VGLL4: variants seen among roughly 807,000 people sequenced by gnomAD.
VGLL4 encodes the protein transcription cofactor vestigial-like protein 4.
In VGLL4, 7 loss-of-function variants were observed where a neutral mutation model predicts 21.0. That is an observed-to-expected ratio of 0.33 (90% CI 0.19 to 0.63). The LOEUF is 0.63. Ranked by LOEUF, VGLL4 falls within the 20% of genes least tolerant of loss-of-function variation. The pLI, the probability that VGLL4 is intolerant of heterozygous loss-of-function variation, is 0.78. For missense variants in VGLL4, 394 were observed against 425.7 expected, an observed-to-expected ratio of 0.93 and a Z score of 0.66; for synonymous variants, 222 against 173.2, an observed-to-expected ratio of 1.28 and a Z score of -2.21.
At chr3:11,642,935 G>C (rs1254115493) in intron 1 of VGLL4, among the ~76,000 whole-genome samples, 1 of 152,136 alleles carries the variant, frequency 6.6e-6, no homozygotes, top group Non-Finnish European at 1.5e-5. Flanking sequence ...CCACGCGGGA[G>C]AGGGACATTC....
At chr3:11,702,015 A>G (rs1372156874) in intron 2 of VGLL4, among the ~76,000 whole-genome samples, 1 of 151,688 alleles carries the variant, frequency 6.6e-6, no homozygotes, top group African/African-American at 2.4e-5. Context: ...CATCCCTCAA[A>G]CTACACTAAT....
intron 1 of VGLL4, among the ~76,000 whole-genome samples, chr3:11,619,831 G>A (rs574639971): frequency 1.3e-4 from 20 of 152,112 alleles, no homozygotes; most frequent in Non-Finnish European, 2.5e-4. Flanking sequence ...GCATTAACTC[G>A]AGTCTCCTTT....
chr3:11,570,481 C>G (rs980297642), intron 2 of VGLL4, among the ~76,000 whole-genome samples: 1 of 152,180 alleles, frequency 6.6e-6, no homozygotes, highest in East Asian at 1.9e-4. Context: ...CGTGCACTCC[C>G]GGGAAGGCTG....
chr3:11,665,085 C>T (rs1315977181), intron 2 of VGLL4, among the ~76,000 whole-genome samples: 1 of 135,904 alleles, frequency 7.4e-6, no homozygotes, highest in African/African-American at 2.9e-5. Flanking sequence ...AAAATGAAAG[C>T]AATTTGAATA....
intron 2 of VGLL4, among the ~76,000 whole-genome samples, chr3:11,666,818 A>T (rs1275934960): frequency 6.6e-6 from 1 of 152,158 alleles, no homozygotes; most frequent in African/African-American, 2.4e-5. Context: ...AAAGAAATTC[A>T]CTGTAATAAG....
At chr3:11,680,870 G>A (rs1402073272) in intron 2 of VGLL4, among the ~76,000 whole-genome samples, 1 of 152,182 alleles carries the variant, frequency 6.6e-6, no homozygotes, top group Non-Finnish European at 1.5e-5. Context: ...CACCTGGTGT[G>A]GCACAGGCAC....
At chr3:11,574,502 G>C (rs2073970403) in intron 2 of VGLL4, among the ~76,000 whole-genome samples, 1 of 152,152 alleles carries the variant, frequency 6.6e-6, no homozygotes. Context: ...GTAGGGAGAA[G>C]GTAGGGGCTG....
chr3:11,658,606 C>T (rs1321158150), intron 2 of VGLL4, among the ~76,000 whole-genome samples: 1 of 121,650 alleles, frequency 8.2e-6, no homozygotes, highest in African/African-American at 3.5e-5. Flanking sequence ...AGGAAGGACA[C>T]AGAGGAAACA....
At chr3:11,639,794 T>C (rs1184295514) in intron 1 of VGLL4, among the ~76,000 whole-genome samples, 1 of 152,016 alleles carries the variant, frequency 6.6e-6, no homozygotes, top group Admixed American at 6.5e-5. Context: ...GAAAATCACT[T>C]GAACCCGGGA....
intron 2 of VGLL4, among the ~76,000 whole-genome samples, chr3:11,666,036 G>A (rs1473813408): frequency 6.6e-6 from 1 of 152,092 alleles, no homozygotes; most frequent in African/African-American, 2.4e-5. Context: ...GGATCACGAG[G>A]TCAGGAGATC....
intron 1 of VGLL4, among the ~76,000 whole-genome samples, chr3:11,622,846 T>A (rs939234387): frequency 6.6e-6 from 1 of 152,178 alleles, no homozygotes; most frequent in Non-Finnish European, 1.5e-5. Flanking sequence ...GAGAGACAGA[T>A]GTGAGCTCAT....
chr3:11,697,587 C>T (rs1334695693), intron 2 of VGLL4, among the ~76,000 whole-genome samples: 4 of 129,784 alleles, frequency 3.1e-5, no homozygotes, highest in Admixed American at 1.7e-4. Flanking sequence ...CAGAAGTCAC[C>T]ATGATCTTGA....
chr3:11,566,734 G>A (rs965380564), intron 2 of VGLL4, among the ~76,000 whole-genome samples: 15 of 151,880 alleles, frequency 9.9e-5, no homozygotes, highest in Non-Finnish European at 7.4e-5. Flanking sequence ...ATCCCAAGGC[G>A]CCCCGTGCAA....
chr3:11,564,711 T>TCCCACACCACCGC, intron 3 of VGLL4, 86 bp downstream of exon 3: 1 of 1,380,784 alleles, frequency 7.2e-7, no homozygotes, highest in Non-Finnish European at 9.8e-7. Context: ...ACCACCGCCC[T>TCCCACACCACCGC]CGGAGTCCTC....
intron 2 of VGLL4, among the ~76,000 whole-genome samples, chr3:11,681,891 A>G (rs2076376927): frequency 6.6e-6 from 1 of 152,212 alleles, no homozygotes. Context: ...TGCGAGGGAA[A>G]CAGGTGACAT....
intron 1 of VGLL4, among the ~76,000 whole-genome samples, chr3:11,619,055 G>C (rs1422065976): frequency 6.6e-6 from 1 of 152,204 alleles, no homozygotes; most frequent in Non-Finnish European, 1.5e-5. Flanking sequence ...GCCTACTTCA[G>C]ATCTCTCCTT....
intron 2 of VGLL4, among the ~76,000 whole-genome samples, chr3:11,654,630 G>T (rs1169283363): frequency 6.6e-6 from 1 of 152,224 alleles, no homozygotes; most frequent in African/African-American, 2.4e-5. Flanking sequence ...ACCTGCACCT[G>T]TAAGTATCTT....
intron 2 of VGLL4, among the ~76,000 whole-genome samples, chr3:11,573,283 GAAA>G (rs1559869628): frequency 0.012 from 160 of 13,506 alleles, 16 homozygotes; most frequent in African/African-American, 0.044. Context: ...AAGAAAGAAA[GAAA>G]GAAAGAAAGA....
intron 1 of VGLL4, among the ~76,000 whole-genome samples, chr3:11,638,999 G>A (rs767225176): frequency 6.6e-6 from 1 of 152,152 alleles, no homozygotes; most frequent in Non-Finnish European, 1.5e-5. Flanking sequence ...GGAATAATTC[G>A]CTCTTAAGCT....
Sources: allele counts gnomAD v4.1 joint callset (sites outside exome capture counted in the v4.1 genomes callset), GRCh38; gene constraint gnomAD v4.1.1; transcripts MANE v1.5; gene names NCBI Gene and HGNC (gene_info 2026-07-23, HGNC 2026-07-21).